MMRN1: variants seen among roughly 807,000 people sequenced by gnomAD.
The protein encoded by MMRN1 is multimerin 1, also known as multimerin-1.
In MMRN1, 94 loss-of-function variants were observed where a neutral mutation model predicts 100.7. The observed-to-expected ratio is 0.93, with a 90% CI of 0.79 to 1.11. The LOEUF (loss-of-function observed/expected upper bound fraction) is 1.11, where lower values mean the gene tolerates loss of function less well. MMRN1 is among the 50% of genes least tolerant of loss of function. The probability of loss-of-function intolerance (pLI) is 0.00; values close to 1 mark genes in which losing one functional copy is unlikely to be tolerated. For missense variants in MMRN1, 1,606 were observed against 1,439.1 expected (o/e 1.12, Z -1.88); for synonymous variants, 575 against 505.0 (o/e 1.14, Z -1.86).
At chr4:89,892,863 A>T (rs530998826), upstream of MMRN1, among the ~76,000 whole-genome samples, 9 of 152,120 alleles carry the variant, frequency 5.9e-5, no homozygotes, top group East Asian at 1.7e-3. Context: ...AGTCTTTCAA[A>T]CTGTAGAAGA....
intron 3 of MMRN1, among the ~76,000 whole-genome samples, chr4:89,918,279 G>A (rs1307751825): frequency 6.6e-6 from 1 of 151,192 alleles, no homozygotes; most frequent in East Asian, 1.9e-4. Flanking sequence ...TTTAATAAGG[G>A]GAATTTTCTT....
chr4:89,936,271 A>T lies in MMRN1; in HGVS notation c.2591A>T (p.Asp864Val). The T allele has an allele frequency of 6.2e-7, 1 of 1,607,586 alleles. No homozygotes were observed. The highest frequency in any genetic ancestry group is 8.5e-7 in the Non-Finnish European group (1 of 1,178,294). The change falls in exon 6 of 8, where the codon GAC becomes GTC. Residue 864 changes from aspartate (D) to valine (V), a missense_variant. Transcript: ENST00000264790. ...AAAAATTTTGAGACTCGGTTGCAAG[A>T]CATTGAGTCTAAAGTTACCCAGACG... is the stretch of plus-strand genomic sequence containing the variant. ...ISKNFETRLQ[D>V]IESKVTQTLI...
chr4:89,951,488 C>T (rs959071531), intron 6 of MMRN1, 117 bp from the exon 7 acceptor site: 1 of 1,082,190 alleles, frequency 9.2e-7, no homozygotes, highest in Non-Finnish European at 1.2e-6. Flanking sequence ...GCCGTGGAGC[C>T]CATTTTTCTT....
intron 5 of MMRN1, 22 bp downstream of exon 5, chr4:89,927,990 A>G (rs1722317800): frequency 7.3e-6 from 11 of 1,500,266 alleles, no homozygotes; most frequent in Non-Finnish European, 9.0e-6. Flanking sequence ...ATAAAATAAA[A>G]TATTCATTCA....
In MMRN1 at chr4:89,895,287, G is replaced by A. The variant is rs369585513; in HGVS notation, c.316G>A (p.Ala106Thr). 1 of 1,613,866 alleles carries A rather than the reference G, an allele frequency of 6.2e-7. No homozygotes were observed. Among genetic ancestry groups the A allele is most frequent in the Non-Finnish European group, 8.5e-7 (1 of 1,179,924 alleles). Residue 106 changes from alanine to threonine, a missense_variant, in exon 1 of 8, where the codon GCA becomes ACA. Physicochemically the swap from Ala to Thr is moderately conservative, Grantham distance 58. Transcript: ENST00000264790. ...RNQTLTSTEK[A>T]EGVVKLQNLT... is the part of the protein sequence containing the mutation. ...TCAAACTCTCACATCCACAGAGAAA[G>A]CAGAAGGAGTGGTCAAGTTACAGAA...
intron 6 of MMRN1, among the ~76,000 whole-genome samples, chr4:89,937,111 C>A (rs954079832): frequency 3.3e-5 from 5 of 152,034 alleles, no homozygotes; most frequent in Non-Finnish European, 5.9e-5. Flanking sequence ...TTAAACAAAG[C>A]TATTAGGCAA....
chr4:89,920,951 CT>C (rs1481141257), intron 3 of MMRN1, among the ~76,000 whole-genome samples: 1 of 151,694 alleles, frequency 6.6e-6, no homozygotes, highest in East Asian at 1.9e-4. Context: ...TCATTTCCAT[CT>C]ACGAGGAAAA....
At chr4:89,934,122 C>T (rs1356973993) in intron 5 of MMRN1, among the ~76,000 whole-genome samples, 2 of 151,792 alleles carry the variant, frequency 1.3e-5, no homozygotes, top group African/African-American at 2.4e-5. Context: ...TCATTACTTG[C>T]AAGTTTTCTC....
At chr4:89,932,631 A>G (rs930134261) in intron 5 of MMRN1, among the ~76,000 whole-genome samples, 2 of 152,132 alleles carry the variant, frequency 1.3e-5, no homozygotes, top group Non-Finnish European at 1.5e-5. Context: ...TTCAAGCCCA[A>G]CACCACATGT....
At chr4:89,893,313 T>C (rs1167197364), upstream of MMRN1, among the ~76,000 whole-genome samples, 1 of 150,136 alleles carries the variant, frequency 6.7e-6, no homozygotes, top group Non-Finnish European at 1.5e-5. Context: ...AAATAAATAC[T>C]CTCTAGTAGG....
Position 89,936,324 on chromosome 4 carries a change from A to G in MMRN1, c.2644A>G (p.Lys882Glu). 6 of 1,612,816 alleles carry G rather than the reference A, an allele frequency of 3.7e-6. No homozygotes were observed. The highest frequency in any genetic ancestry group is 5.1e-6 in the Non-Finnish European group (6 of 1,179,506). ...TLIPYYISVK[K>E]GSVVTNERDQ... ...CATACCTTATTATATTTCAGTTAAA[A>G]AAGGCAGTGTAGTTACAAATGAGAG... Residue 882 changes from lysine to glutamate, a missense_variant, in exon 6 of 8, where the codon AAA (lysine) becomes GAA (glutamate). By Grantham distance (56) the Lys-to-Glu change is moderately conservative. Coordinates refer to ENST00000264790, the MANE Select transcript of MMRN1 (RefSeq NM_007351.3).
chr4:89,912,194 A>C, intron 3 of MMRN1, 144 bp downstream of exon 3: 1 of 482,648 alleles, frequency 2.1e-6, no homozygotes, highest in Non-Finnish European at 3.5e-6. Flanking sequence ...AAGCTTTCTA[A>C]CTTGGTAGCT....
At chr4:89,884,082 T>C (rs990823103) in intron 1 of MMRN1, among the ~76,000 whole-genome samples, 31 of 152,134 alleles carry the variant, frequency 2.0e-4, no homozygotes, top group Non-Finnish European at 1.0e-4. Flanking sequence ...TATTTTTCTA[T>C]TTTTACACCA....
rs751622270 is a variant in MMRN1, at chr4:89,934,851, G to A, written c.1171G>A (p.Val391Ile). 1 of 1,573,218 alleles carries A rather than the reference G, an allele frequency of 6.4e-7. No homozygotes were observed. Among genetic ancestry groups the A allele is most frequent in the South Asian group, 1.2e-5 (1 of 83,844 alleles). The change falls in exon 6 of 8, where the codon GTA (valine) becomes ATA (isoleucine). Residue 391 changes from valine (V) to isoleucine (I), a missense_variant. Coordinates refer to ENST00000264790, the MANE Select transcript of MMRN1 (RefSeq NM_007351.3). ...KSINVLIRDIVREQFKIFQND... is the reference protein window; with the variant it reads ...KSINVLIRDIIREQFKIFQND... ...CATTAATGTACTGATAAGAGACATA[G>A]TAAGAGAACAATTTAAAATTTTTCA... is the stretch of plus-strand genomic sequence containing the variant.
chr4:89,927,674 G>A (rs2110621716), intron 4 of MMRN1, 121 bp from the exon 5 acceptor site: 1 of 780,444 alleles, frequency 1.3e-6, no homozygotes, highest in East Asian at 2.9e-5. Flanking sequence ...GTGAAAGTGA[G>A]CATCTTTGTT....
chr4:89,945,758 G>T (rs1722967867), intron 6 of MMRN1, among the ~76,000 whole-genome samples: 1 of 152,082 alleles, frequency 6.6e-6, no homozygotes, highest in Admixed American at 6.6e-5. Flanking sequence ...TTTCGGACAG[G>T]TCTAAGATAT....
chr4:89,942,761 T>A (rs1407916566), intron 6 of MMRN1, among the ~76,000 whole-genome samples: 1 of 152,066 alleles, frequency 6.6e-6, no homozygotes, highest in African/African-American at 2.4e-5. Context: ...AGTAAAATTA[T>A]GACACAGTGT....
In MMRN1 at chr4:89,935,097, A is replaced by C. The variant is rs752344405; in HGVS notation, c.1417A>C (p.Thr473Pro). Reference sequence around the variant, plus strand: ...GAATGTAAGGCAAGAAATGACTCTTACATGTGAGAAGCCTATTAAAGAACT... The same window carrying C: ...GAATGTAAGGCAAGAAATGACTCTTCCATGTGAGAAGCCTATTAAAGAACT... ...IVNVRQEMTL[T>P]CEKPIKELEV... Residue 473 changes from threonine to proline, a missense_variant, in exon 6 of 8, where the codon ACA becomes CCA. Physicochemically the swap from Thr to Pro is conservative, Grantham distance 38. Coordinates refer to ENST00000264790, the MANE Select transcript of MMRN1 (RefSeq NM_007351.3). 1.9e-6 allele frequency: 3 copies of C among 1,613,790 alleles called. No individual in the cohort carries two copies. In the South Asian group the frequency reaches 3.3e-5, roughly 18 times the overall value.
At chr4:89,894,668 AT>A, upstream of MMRN1, 3 of 232,248 alleles carry the variant, frequency 1.3e-5, no homozygotes, top group Non-Finnish European at 2.5e-5. Flanking sequence ...GTTACTTCAT[AT>A]TTTTTCATGG....
Sources: allele counts gnomAD v4.1 joint callset (sites outside exome capture counted in the v4.1 genomes callset), GRCh38; gene constraint gnomAD v4.1.1; transcripts MANE v1.5; gene names NCBI Gene and HGNC (gene_info 2026-07-23, HGNC 2026-07-21).